C1orf21: variants seen among roughly 807,000 people sequenced by gnomAD.
The protein encoded by C1orf21 is uncharacterized protein C1orf21.
A neutral mutation model predicts 18.7 loss-of-function variants in C1orf21; 3 were observed. The observed-to-expected ratio is 0.16, with a 90% CI of 0.07 to 0.42. C1orf21 has a LOEUF of 0.42. Among genes scored for constraint, C1orf21 ranks in the 10% least tolerant of loss-of-function variants. C1orf21 has a pLI of 0.99. For synonymous variants in C1orf21, 41 were observed against 46.4 expected (o/e 0.88, Z 0.47); for missense variants, 104 against 143.6 (o/e 0.72, Z 1.41).
intron 1 of C1orf21, among the ~76,000 whole-genome samples, chr1:184,435,347 G>A (rs184223068): frequency 1.4e-4 from 22 of 152,130 alleles, no homozygotes; most frequent in African/African-American, 3.9e-4. Flanking sequence ...GTTTTTTGTC[G>A]TTGTTGTTGC....
chr1:184,406,284 C>G (rs1316080734), intron 1 of C1orf21, among the ~76,000 whole-genome samples: 1 of 152,128 alleles, frequency 6.6e-6, no homozygotes, highest in Non-Finnish European at 1.5e-5. Flanking sequence ...GTTTTCTACT[C>G]CTATGTTAAA....
intron 3 of C1orf21, among the ~76,000 whole-genome samples, chr1:184,586,681 G>T (rs1008551468): frequency 1.3e-4 from 20 of 152,152 alleles, no homozygotes; most frequent in Non-Finnish European, 2.4e-4. Flanking sequence ...CAAATGCATA[G>T]TTTGCAAAAT....
At chr1:184,447,243 C>T (rs995933669) in intron 1 of C1orf21, among the ~76,000 whole-genome samples, 1 of 152,186 alleles carries the variant, frequency 6.6e-6, no homozygotes, top group Admixed American at 6.5e-5. Flanking sequence ...CAGAGATGAG[C>T]TTCGAAGGAT....
intron 2 of C1orf21, among the ~76,000 whole-genome samples, chr1:184,480,396 A>G (rs1270019496): frequency 6.6e-6 from 1 of 152,250 alleles, no homozygotes; most frequent in Admixed American, 6.5e-5. Flanking sequence ...GACAGTCTTT[A>G]AAAAGATAAC....
intron 3 of C1orf21, among the ~76,000 whole-genome samples, chr1:184,516,376 C>T (rs908477807): frequency 2.0e-5 from 3 of 152,174 alleles, no homozygotes; most frequent in African/African-American, 4.8e-5. Flanking sequence ...GACTACATCC[C>T]CCGCACCTAT....
chr1:184,395,903 GC>G (rs1259816401), intron 1 of C1orf21, among the ~76,000 whole-genome samples: 1 of 152,130 alleles, frequency 6.6e-6, no homozygotes, highest in Non-Finnish European at 1.5e-5. Context: ...TGCTTACATT[GC>G]CAAAAATACT....
intron 1 of C1orf21, among the ~76,000 whole-genome samples, chr1:184,457,289 A>T (rs1227715495): frequency 6.6e-6 from 1 of 152,178 alleles, no homozygotes; most frequent in African/African-American, 2.4e-5. Context: ...AGATGAGTAA[A>T]ACTGGTTACC....
In C1orf21 at chr1:184,396,510, A is replaced by G. The variant is rs190595374; in HGVS notation, c.-125+9142A>G. ...CTCTGAGCTGTGGAAGCTAATAGCC[A>G]TTAGAGGGAAAGATAATTAACTCAG... On this transcript the variant is annotated intron_variant, in intron 1 of 5. Transcript: ENST00000235307. 3.2e-3 allele frequency among the ~76,000 whole-genome samples: 493 copies of G among 152,312 alleles called. 1 individual carries two copies. The highest frequency in any genetic ancestry group is 0.02 in the Middle Eastern group (6 of 294).
At chr1:184,582,156 T>C (rs953405913) in intron 3 of C1orf21, among the ~76,000 whole-genome samples, 3 of 152,232 alleles carry the variant, frequency 2.0e-5, no homozygotes, top group African/African-American at 7.2e-5. Flanking sequence ...CCTTTGTATT[T>C]GAAGGAGACA....
intron 2 of C1orf21, among the ~76,000 whole-genome samples, chr1:184,501,696 A>G (rs1023798057): frequency 1.3e-5 from 2 of 152,254 alleles, no homozygotes; most frequent in Non-Finnish European, 2.9e-5. Context: ...GAAGAAACAC[A>G]GAAAGGATAG....
At position 184,628,312 on chromosome 1, in the gene C1orf21, A is replaced by G. The variant is rs1216126552; in HGVS notation, c.*8756A>G. On this transcript the variant is annotated 3_prime_UTR_variant, in exon 6 of 6. Transcript: ENST00000235307. ...TATATCCCTTTACTTTTGTACTACT[A>G]TATTAGGCACATTATAAAAAGTATA... is the stretch of plus-strand genomic sequence containing the variant. 1.3e-5 allele frequency: 2 copies of G among 152,240 alleles called. No homozygotes were observed. The highest frequency in any genetic ancestry group is 2.9e-5 in the Non-Finnish European group (2 of 68,050). 9.4% of individuals were successfully genotyped at this position (152,240 alleles called of 1,614,324 possible).
At chr1:184,551,296 G>T (rs1366690380) in intron 3 of C1orf21, among the ~76,000 whole-genome samples, 2 of 152,158 alleles carry the variant, frequency 1.3e-5, no homozygotes, top group African/African-American at 2.4e-5. Context: ...CTAATAATGG[G>T]ATGGGGAAGT....
chr1:184,559,763 G>T (rs750627262), intron 3 of C1orf21, among the ~76,000 whole-genome samples: 2 of 152,022 alleles, frequency 1.3e-5, no homozygotes, highest in Admixed American at 6.6e-5. Flanking sequence ...GACTACAGGT[G>T]CATGCCACCA....
intron 1 of C1orf21, among the ~76,000 whole-genome samples, chr1:184,401,930 A>G (rs1384009680): frequency 6.6e-6 from 1 of 152,156 alleles, no homozygotes; most frequent in Non-Finnish European, 1.5e-5. Flanking sequence ...TTTAAGAACT[A>G]ATGCGTGTTT....
chr1:184,551,382 G>A (rs1658810048), intron 3 of C1orf21, among the ~76,000 whole-genome samples: 1 of 152,172 alleles, frequency 6.6e-6, no homozygotes, highest in South Asian at 2.1e-4. Flanking sequence ...AGATAAATTT[G>A]AGTGTGAGGA....
At position 184,620,206 on chromosome 1, in the gene C1orf21, A is replaced by G. The variant is rs1659895927; in HGVS notation, c.*650A>G. 1 of 152,662 alleles carries G rather than the reference A, an allele frequency of 6.6e-6. No homozygotes were observed. The highest frequency in any genetic ancestry group is 2.4e-5 in the African/African-American group (1 of 41,460). The allele number at this position is 152,662 out of a possible 1,614,324, so 9.5% of individuals were successfully genotyped here. On this transcript the variant is annotated 3_prime_UTR_variant, in exon 6 of 6. Coordinates refer to ENST00000235307, the MANE Select transcript of C1orf21 (RefSeq NM_030806.4). ...TTTGATTTAATAGGTATCTTAATCA[A>G]GAATTAAGCTTGCAACATTGGCTTT...
intron 4 of C1orf21, among the ~76,000 whole-genome samples, chr1:184,596,873 CAAA>C (rs11291932): frequency 6.5e-5 from 8 of 123,440 alleles, no homozygotes; most frequent in Admixed American, 1.6e-4. Context: ...GACTCTGTCT[CAAA>C]AAAAAAAAAA....
chr1:184,411,722 G>C (rs77619392), intron 1 of C1orf21, among the ~76,000 whole-genome samples: 2 of 152,058 alleles, frequency 1.3e-5, no homozygotes, highest in Non-Finnish European at 2.9e-5. Flanking sequence ...GCGCCCAGCC[G>C]GTTATGGGTA....
chr1:184,576,952 T>G (rs922395465), intron 3 of C1orf21, among the ~76,000 whole-genome samples: 7 of 152,230 alleles, frequency 4.6e-5, no homozygotes, highest in Middle Eastern at 6.8e-3. Flanking sequence ...GCCAAGCCAG[T>G]GCTGTAAATG....
Sources: allele counts gnomAD v4.1 joint callset (sites outside exome capture counted in the v4.1 genomes callset), GRCh38; gene constraint gnomAD v4.1.1; transcripts MANE v1.5; gene names NCBI Gene and HGNC (gene_info 2026-07-23, HGNC 2026-07-21).